SMG6: variants seen among roughly 807,000 people sequenced by gnomAD.
The protein encoded by SMG6 is telomerase-binding protein EST1A.
In SMG6, 66 loss-of-function variants were observed where a neutral mutation model predicts 142.2. That is an observed-to-expected ratio of 0.46 (90% CI 0.38 to 0.57). SMG6 has a LOEUF of 0.57. Ranked by LOEUF, SMG6 falls within the 20% of genes least tolerant of loss-of-function variation. SMG6 has a pLI of 0.00. For missense variants in SMG6, 1,793 were observed against 1,832.0 expected (o/e 0.98, Z 0.39); for synonymous variants, 779 against 702.4 (o/e 1.11, Z -1.72).
At chr17:2,158,598 G>C (rs966182107) in intron 13 of SMG6, among the ~76,000 whole-genome samples, 6 of 152,102 alleles carry the variant, frequency 3.9e-5, no homozygotes, top group Non-Finnish European at 7.4e-5. Flanking sequence ...ACAGTTAAAA[G>C]TGGAAGTCCC....
intron 7 of SMG6, 86 bp from the exon 8 acceptor site, chr17:2,282,945 C>T (rs1367589648): frequency 1.2e-5 from 16 of 1,359,258 alleles, no homozygotes; most frequent in East Asian, 6.9e-5. Flanking sequence ...CGGAGGCAGG[C>T]GGATCACTTG....
intron 10 of SMG6, chr17:2,214,478 G>C (rs544185422): frequency 3.7e-4 from 57 of 152,238 alleles, no homozygotes; most frequent in African/African-American, 1.3e-3. Flanking sequence ...GCTGTGCCCC[G>C]TATCTCTTCC....
intron 8 of SMG6, among the ~76,000 whole-genome samples, chr17:2,272,854 C>T (rs975000728): frequency 5.3e-5 from 8 of 151,582 alleles, no homozygotes; most frequent in South Asian, 4.2e-4. Context: ...AGGAGAATGG[C>T]GTGAACCCAG....
At chr17:2,134,419 CAAAAAA>C (rs58429166) in intron 13 of SMG6, among the ~76,000 whole-genome samples, 3 of 28,724 alleles carry the variant, frequency 1.0e-4, no homozygotes, top group African/African-American at 3.4e-4. Context: ...GACTCCATCT[CAAAAAA>C]AAAAAAAAAA....
At position 2,303,723 on chromosome 17, in the gene SMG6, T is replaced by C; in HGVS notation, c.-3A>G. 6.7e-7 allele frequency: 1 copy of C among 1,491,518 alleles called. No individual in the cohort carries two copies. The highest frequency in any genetic ancestry group is 8.9e-7 in the Non-Finnish European group (1 of 1,127,060). The allele number at this position is 1,491,518 out of a possible 1,614,324, so 92.4% of individuals were successfully genotyped here. ...ACACGCTCCAGCCCTTCCGCCATCT[T>C]CGCGGCTGCTGCTACAGCCGTAGCG... On this transcript the variant is annotated 5_prime_UTR_variant, in exon 1 of 19. Transcript: ENST00000263073.
At position 2,144,918 on chromosome 17, in the gene SMG6, A is replaced by G. The variant is rs182618071; in HGVS notation, c.3357+27740T>C. Among the ~76,000 whole-genome samples the G allele has an allele frequency of 1.5e-3, 229 of 152,146 alleles. 1 individual carries two copies. The highest frequency in any genetic ancestry group is 5.2e-3 in the African/African-American group (216 of 41,500). ...TTTCAGGCCCGCTCACCATAGTCCAAGCAGTTTTTAGTGAGTAAGCCCAAA... is the reference window on the plus strand; with the variant it reads ...TTTCAGGCCCGCTCACCATAGTCCAGGCAGTTTTTAGTGAGTAAGCCCAAA... On this transcript the variant is annotated intron_variant, in intron 13 of 18. Coordinates refer to ENST00000263073, the MANE Select transcript of SMG6 (RefSeq NM_017575.5).
At position 2,252,356 on chromosome 17, in the gene SMG6, C is replaced by T. The variant is rs147835105; in HGVS notation, c.2662-7637G>A. Among the ~76,000 whole-genome samples the T allele has an allele frequency of 5.2e-3, 793 of 151,258 alleles. 2 individuals are homozygous for T. The highest frequency in any genetic ancestry group is 9.3e-3 in the Admixed American group (141 of 15,172). On this transcript the variant is annotated intron_variant, in intron 8 of 18. Coordinates refer to ENST00000263073, the MANE Select transcript of SMG6 (RefSeq NM_017575.5). ...TGGAGACTGCAGTGAGCCAAGATGG[C>T]GCCACTGCATTCCAGCCTGGTGACA...
At chr17:2,145,830 A>C (rs1019613588) in intron 13 of SMG6, among the ~76,000 whole-genome samples, 13 of 152,042 alleles carry the variant, frequency 8.6e-5, no homozygotes, top group Admixed American at 1.3e-4. Context: ...TAACTGGAAT[A>C]GTTTCTGGAA....
At chr17:2,302,890 T>G (rs1293514717) in intron 1 of SMG6, 1 of 848,936 alleles carries the variant, frequency 1.2e-6, no homozygotes, top group Non-Finnish European at 1.4e-6. Context: ...CCAATTATGT[T>G]AATCAACAAA....
intron 13 of SMG6, among the ~76,000 whole-genome samples, chr17:2,120,365 A>G (rs576969532): frequency 6.6e-6 from 1 of 152,332 alleles, no homozygotes; most frequent in Admixed American, 6.5e-5. Flanking sequence ...ACTCAAGAAA[A>G]TGGGAGGAAG....
chr17:2,303,265 C>T (rs2075325841), intron 1 of SMG6: 3 of 1,055,330 alleles, frequency 2.8e-6, no homozygotes, highest in South Asian at 4.5e-5. Context: ...CGGAGGGCGG[C>T]CTGGAGAGCG....
intron 10 of SMG6, among the ~76,000 whole-genome samples, chr17:2,198,950 T>TAAAAAAAAA (rs55660022): frequency 4.9e-5 from 5 of 102,148 alleles, no homozygotes; most frequent in South Asian, 3.1e-4. Context: ...AAAATAAAAT[T>TAAAAAAAAA]AAAAAAAAAA....
chr17:2,111,237 A>T (rs1333882050), intron 13 of SMG6, among the ~76,000 whole-genome samples: 1 of 152,218 alleles, frequency 6.6e-6, no homozygotes, highest in Non-Finnish European at 1.5e-5. Context: ...TCAAATAAGC[A>T]GACAGTAGTG....
chr17:2,178,962 C>A (rs2071726870), intron 12 of SMG6, among the ~76,000 whole-genome samples: 2 of 152,224 alleles, frequency 1.3e-5, no homozygotes, highest in African/African-American at 4.8e-5. Flanking sequence ...AGTACTCTCC[C>A]TGGGGTCAGC....
At chr17:2,213,467 C>A (rs1272970670) in intron 10 of SMG6, among the ~76,000 whole-genome samples, 2 of 152,098 alleles carry the variant, frequency 1.3e-5, no homozygotes, top group Admixed American at 6.5e-5. Context: ...GCAGGGCGGG[C>A]AGACGTTGGT....
At position 2,065,450 on chromosome 17, in the gene SMG6, C is replaced by T. The variant is rs918547597; in HGVS notation, c.4047+18G>A. The T allele has an allele frequency of 2.5e-6, 4 of 1,607,296 alleles. No individual in the cohort carries two copies. The African/African-American group carries it at 5.3e-5, about 21-fold the overall frequency. Reference sequence around the variant, plus strand: ...GGAAGCTGGCTGTGGGCTTTCCCTTCCTGCCACAGGGTCTCACCAGCTGGC... The same window carrying T: ...GGAAGCTGGCTGTGGGCTTTCCCTTTCTGCCACAGGGTCTCACCAGCTGGC... On this transcript the variant is annotated intron_variant, in intron 17 of 18. Transcript: ENST00000263073.
intron 13 of SMG6, among the ~76,000 whole-genome samples, chr17:2,160,610 A>G (rs1248284569): frequency 6.6e-6 from 1 of 152,156 alleles, no homozygotes; most frequent in Admixed American, 6.5e-5. Context: ...CAGGAGGATC[A>G]CCTAAACCTA....
intron 10 of SMG6, among the ~76,000 whole-genome samples, chr17:2,192,958 A>C (rs1255093450): frequency 6.6e-6 from 1 of 152,202 alleles, no homozygotes; most frequent in Non-Finnish European, 1.5e-5. Flanking sequence ...ATCAGGCACT[A>C]ATACACCCAA....
intron 10 of SMG6, among the ~76,000 whole-genome samples, chr17:2,195,509 A>G (rs1344374833): frequency 6.6e-6 from 1 of 152,222 alleles, no homozygotes; most frequent in African/African-American, 2.4e-5. Flanking sequence ...CCTTGAGGGC[A>G]AGAGCTATGT....
Sources: gnomAD v4.1 joint callset for allele counts (sites outside exome capture counted in the v4.1 genomes callset) on GRCh38, gnomAD v4.1.1 for gene constraint, MANE v1.5 for transcripts, NCBI Gene and HGNC (gene_info 2026-07-23, HGNC 2026-07-21) for gene names.